MYOF: variants seen among roughly 807,000 people sequenced by gnomAD.
MYOF encodes myoferlin.
In MYOF, 244 loss-of-function variants were observed where a neutral mutation model predicts 284.2. The ratio of observed to expected loss-of-function variants is 0.86; its 90% CI spans 0.77 to 0.95. The LOEUF (loss-of-function observed/expected upper bound fraction) is 0.95, where lower values mean the gene tolerates loss of function less well. MYOF is among the 40% of genes least tolerant of loss of function. MYOF has a pLI of 0.00. For missense variants in MYOF, 2,496 were observed against 2,560.6 expected, an observed-to-expected ratio of 0.97 and a Z score of 0.54; for synonymous variants, 904 against 919.7, an observed-to-expected ratio of 0.98 and a Z score of 0.31.
intron 40 of MYOF, among the ~76,000 whole-genome samples, chr10:93,336,913 G>GA (rs1220775197): frequency 6.7e-6 from 1 of 149,748 alleles, no homozygotes; most frequent in African/African-American, 2.4e-5. Context: ...AGAAAGGAAG[G>GA]AAGGGAAGGA....
chr10:93,355,180 C>A (rs1171099548), intron 31 of MYOF, among the ~76,000 whole-genome samples: 2 of 152,210 alleles, frequency 1.3e-5, no homozygotes, highest in African/African-American at 4.8e-5. Flanking sequence ...AAACTCCTTT[C>A]ATCAAGGATG....
intron 39 of MYOF, among the ~76,000 whole-genome samples, chr10:93,338,886 CT>C (rs1196693461): frequency 4.0e-5 from 6 of 151,784 alleles, no homozygotes; most frequent in Non-Finnish European, 2.9e-5. Flanking sequence ...ATCAGACCCC[CT>C]CTTTGCTTAT....
At chr10:93,435,608 C>A (rs1409782147) in intron 3 of MYOF, among the ~76,000 whole-genome samples, 1 of 152,148 alleles carries the variant, frequency 6.6e-6, no homozygotes, top group African/African-American at 2.4e-5. Context: ...CAATCTGTTG[C>A]TAGGCTTGTA....
intron 1 of MYOF, among the ~76,000 whole-genome samples, chr10:93,471,050 A>C (rs4919163): frequency 0.78 from 118,163 of 151,998 alleles, 46,360 homozygotes; most frequent in South Asian, 0.85. Context: ...TATTGAGATG[A>C]AAAAGATGAT....
intron 50 of MYOF, 125 bp from the exon 51 acceptor site, chr10:93,313,335 T>C: frequency 1.2e-6 from 1 of 864,292 alleles, no homozygotes; most frequent in Admixed American, 3.2e-5. Flanking sequence ...AATGGTGAGT[T>C]AGAGAAAGGG....
chr10:93,399,587 C>CA, intron 12 of MYOF, 92 bp from the exon 13 acceptor site: 1 of 850,012 alleles, frequency 1.2e-6, no homozygotes, highest in South Asian at 1.6e-5. Context: ...AAAATAGTTG[C>CA]AACAGGCTAG....
At chr10:93,355,601 A>ATAAAT in intron 31 of MYOF, 27 bp downstream of exon 31, 1 of 1,550,156 alleles carries the variant, frequency 6.5e-7, no homozygotes, top group Non-Finnish European at 8.8e-7. Context: ...ATAAAATAAA[A>ATAAAT]TAAATCAAAA....
At chr10:93,366,725 A>T (rs1845342218) in intron 25 of MYOF, among the ~76,000 whole-genome samples, 170 bp from the exon 26 acceptor site, 1 of 152,232 alleles carries the variant, frequency 6.6e-6, no homozygotes, top group Non-Finnish European at 1.5e-5. Flanking sequence ...TGATTATGCA[A>T]CTTCGGATAA....
intron 3 of MYOF, among the ~76,000 whole-genome samples, chr10:93,448,768 G>T (rs930590005): frequency 6.6e-6 from 1 of 152,324 alleles, no homozygotes; most frequent in South Asian, 2.1e-4. Context: ...ACCAAGGTGG[G>T]CAGATCACTT....
At chr10:93,441,998 ACAC>A (rs2056278100) in intron 3 of MYOF, among the ~76,000 whole-genome samples, 1 of 3,308 alleles carries the variant, frequency 3.0e-4, no homozygotes, top group South Asian at 9.8e-3. Flanking sequence ...CTCAACCTGA[ACAC>A]ACACACACAC....
intron 13 of MYOF, among the ~76,000 whole-genome samples, chr10:93,399,032 G>T (rs1209524847): frequency 2.0e-5 from 3 of 152,192 alleles, no homozygotes; most frequent in African/African-American, 4.8e-5. Flanking sequence ...AGGGCACTGG[G>T]GGGGGGTCTC....
intron 38 of MYOF, among the ~76,000 whole-genome samples, chr10:93,340,954 G>A (rs1843874978): frequency 6.6e-6 from 1 of 152,128 alleles, no homozygotes; most frequent in African/African-American, 2.4e-5. Flanking sequence ...CATCCTGAAG[G>A]GCTCTTCCTC....
At chr10:93,458,787 C>T (rs766355903) in intron 1 of MYOF, among the ~76,000 whole-genome samples, 2 of 152,164 alleles carry the variant, frequency 1.3e-5, no homozygotes, top group Non-Finnish European at 2.9e-5. Flanking sequence ...GATTTGAGAC[C>T]CAGGCAGTCT....
In MYOF at chr10:93,368,859, A is replaced by G. The variant is rs115076258; in HGVS notation, c.2589+786T>C. 3.5e-3 allele frequency among the ~76,000 whole-genome samples: 528 copies of G among 152,292 alleles called. 6 individuals carry two copies. The highest frequency in any genetic ancestry group is 0.012 in the African/African-American group (509 of 41,550). ...CTCATTTCTTGGAGCATGAAGGCCT[A>G]TCTGTAGAGTGGTGTTCATCTGAAA... On this transcript the variant is annotated intron_variant, in intron 25 of 53. Transcript: ENST00000359263.
At chr10:93,410,724 G>A (rs1342519671) in intron 5 of MYOF, among the ~76,000 whole-genome samples, 1 of 152,164 alleles carries the variant, frequency 6.6e-6, no homozygotes, top group Non-Finnish European at 1.5e-5. Flanking sequence ...TATAATCTAA[G>A]AGAGCCTAGA....
At chr10:93,441,516 C>A (rs2056251380) in intron 3 of MYOF, among the ~76,000 whole-genome samples, 1 of 150,724 alleles carries the variant, frequency 6.6e-6, no homozygotes, top group South Asian at 2.1e-4. Flanking sequence ...TCTGGAGTAG[C>A]TGGGATTACA....
At chr10:93,354,703 T>TCTCTCTCTCTCTCTCTCTCTCTCTCTCTC (rs1243618498) in intron 31 of MYOF, among the ~76,000 whole-genome samples, 15 of 70,660 alleles carry the variant, frequency 2.1e-4, no homozygotes, top group African/African-American at 5.1e-4. Context: ...CTCTCTCTCT[T>TCTCTCTCTCTCTCTCTCTCTCTCTCTCTC]TGTGAGATAG....
At chr10:93,446,107 G>A (rs1212496677) in intron 3 of MYOF, among the ~76,000 whole-genome samples, 1 of 152,078 alleles carries the variant, frequency 6.6e-6, no homozygotes, top group Non-Finnish European at 1.5e-5. Context: ...ATGATTCCCA[G>A]CTGAGGATGG....
At chr10:93,456,625 G>A (rs565182385) in intron 2 of MYOF, among the ~76,000 whole-genome samples, 16 of 152,250 alleles carry the variant, frequency 1.1e-4, no homozygotes, top group African/African-American at 2.6e-4. Context: ...AGCTCGTGGC[G>A]GTGCCTGGTA....
Sources: allele counts gnomAD v4.1 joint callset (sites outside exome capture counted in the v4.1 genomes callset), GRCh38; gene constraint gnomAD v4.1.1; transcripts MANE v1.5; gene names NCBI Gene and HGNC (gene_info 2026-07-23, HGNC 2026-07-21).